ATP2C1: variants seen among roughly 807,000 people sequenced by gnomAD.
ATP2C1 encodes ATPase secretory pathway Ca2+ transporting 1.
In ATP2C1, 31 loss-of-function variants were observed where a neutral mutation model predicts 120.5. The ratio of observed to expected loss-of-function variants is 0.26; its 90% CI spans 0.19 to 0.35. The LOEUF is 0.35. ATP2C1 is among the 10% of genes least tolerant of loss of function. The pLI is 1.00. For missense variants in ATP2C1, 731 were observed against 1,107.5 expected (o/e 0.66, Z 4.83); for synonymous variants, 351 against 358.7 (o/e 0.98, Z 0.24).
In ATP2C1 at chr3:130,894,445, C is replaced by T. The variant is rs1405769693; in HGVS notation, c.-181+108C>T. On this transcript the variant is annotated intron_variant, in intron 1 of 27. Coordinates refer to ENST00000510168, the MANE Select transcript of ATP2C1 (RefSeq NM_001378687.1). The surrounding 1 kb of genome is among the most constrained non-coding windows in gnomAD (Gnocchi z 4.5). ...TGGGGGGGCATCTCTAGGGCGCCGCCCCGCTGGCGTGAGCTGGGGACGTTG... is the reference window on the plus strand; with the variant it reads ...TGGGGGGGCATCTCTAGGGCGCCGCTCCGCTGGCGTGAGCTGGGGACGTTG... 7.6e-7 allele frequency: 1 copy of T among 1,309,952 alleles called. No individual in the cohort carries two copies. The highest frequency in any genetic ancestry group is 3.4e-5 in the East Asian group (1 of 29,616). 81.1% of individuals were successfully genotyped at this position (1,309,952 alleles called of 1,614,324 possible).
intron 1 of ATP2C1, among the ~76,000 whole-genome samples, chr3:130,859,552 C>T (rs1207350590): frequency 6.6e-6 from 1 of 152,124 alleles, no homozygotes; most frequent in Non-Finnish European, 1.5e-5. Context: ...TTTTCTTCTT[C>T]TTCAATCAAG....
intron 8 of ATP2C1, among the ~76,000 whole-genome samples, chr3:130,953,070 C>G (rs1036742185): frequency 6.9e-6 from 1 of 144,882 alleles, no homozygotes; most frequent in Admixed American, 7.0e-5. Flanking sequence ...CTCTCCCTCA[C>G]TTGTTCGTAT....
At chr3:130,907,495 A>G (rs2058188869) in intron 2 of ATP2C1, among the ~76,000 whole-genome samples, 1 of 152,084 alleles carries the variant, frequency 6.6e-6, no homozygotes, top group Non-Finnish European at 1.5e-5. Flanking sequence ...TAGAATATCC[A>G]GTTATCCCAA....
chr3:130,959,250 A>G, intron 11 of ATP2C1, 25 bp from the exon 12 acceptor site: 3 of 1,572,368 alleles, frequency 1.9e-6, no homozygotes, highest in Non-Finnish European at 2.6e-6. Context: ...TAAAAGGGAA[A>G]AATAACTATT....
chr3:130,996,668 C>CT lies in ATP2C1; in HGVS notation c.2127-7dup, dbSNP rs771472426. On this transcript the variant is annotated splice_polypyrimidine_tract_variant and intron_variant, in intron 23 of 27. Transcript: ENST00000510168. ...TCTACTGATATTTTTAAATGACTCT[C>CT]TTTTTCAACAGGAGTATAGCAGCAT... 1.8e-4 allele frequency: 270 copies of CT among 1,522,108 alleles called. 5 individuals carry two copies. The South Asian group carries it at 2.9e-3, about 17-fold the overall frequency. The allele number at this position is 1,522,108 out of a possible 1,614,324, so 94.3% of individuals were successfully genotyped here. A position where few individuals can be genotyped will look rare whatever the true frequency, so the allele number is the denominator to read the frequency against.
chr3:130,893,178 C>G (rs544684762), upstream of ATP2C1, among the ~76,000 whole-genome samples: 3 of 152,234 alleles, frequency 2.0e-5, no homozygotes, highest in East Asian at 5.8e-4. Flanking sequence ...TATTAGGGGT[C>G]TGGGTAAGAT....
At chr3:130,852,149 T>C (rs2067694145) in intron 1 of ATP2C1, among the ~76,000 whole-genome samples, 1 of 152,192 alleles carries the variant, frequency 6.6e-6, no homozygotes, top group Non-Finnish European at 1.5e-5. Context: ...AAAGACCAAC[T>C]TTTGGTTTCC....
intron 2 of ATP2C1, chr3:130,918,364 A>G (rs2058781776): frequency 6.5e-7 from 1 of 1,537,086 alleles, no homozygotes; most frequent in Non-Finnish European, 9.0e-7. Context: ...CACTTTGCAC[A>G]TCGGAAATAG....
Position 130,939,097 on chromosome 3 carries a change from A to G in ATP2C1, c.361-1533A>G, listed in dbSNP as rs527708751. Among the ~76,000 whole-genome samples, 3 of 152,338 alleles carry G rather than the reference A, an allele frequency of 2.0e-5. No homozygotes were observed. The South Asian group carries it at 6.2e-4, about 32-fold the overall frequency. On this transcript the variant is annotated intron_variant, in intron 6 of 27. Coordinates refer to ENST00000510168, the MANE Select transcript of ATP2C1 (RefSeq NM_001378687.1). Reference sequence around the variant, plus strand: ...TCTGATTCTTACACACATGTGACCCATCACCAAATATGCCTGTGAAACCAA... The same window carrying G: ...TCTGATTCTTACACACATGTGACCCGTCACCAAATATGCCTGTGAAACCAA...
intron 1 of ATP2C1, among the ~76,000 whole-genome samples, chr3:130,885,909 A>G (rs1167173718): frequency 6.6e-6 from 1 of 152,330 alleles, no homozygotes; most frequent in African/African-American, 2.4e-5. Context: ...TTACATAGAT[A>G]AACACGTCAT....
intron 26 of ATP2C1, chr3:131,014,172 T>G: frequency 6.2e-7 from 1 of 1,614,058 alleles, no homozygotes; most frequent in Non-Finnish European, 8.5e-7. Flanking sequence ...CCCTCTGTTC[T>G]TAGAACAGCT....
chr3:130,972,105 A>G (rs2061342906), intron 17 of ATP2C1, among the ~76,000 whole-genome samples: 1 of 152,186 alleles, frequency 6.6e-6, no homozygotes, highest in Admixed American at 6.5e-5. Context: ...CTCAGGCATT[A>G]GATTCTCTTA....
At chr3:130,987,119 AAAAG>A (rs990730674) in intron 20 of ATP2C1, among the ~76,000 whole-genome samples, 14 of 151,828 alleles carry the variant, frequency 9.2e-5, no homozygotes, top group South Asian at 2.1e-4. Context: ...AAAAAAAAAA[AAAAG>A]AAAGAAAATC....
In ATP2C1 at chr3:130,967,245, A is replaced by C; in HGVS notation, c.1218+5A>C. On this transcript the variant is annotated splice_donor_5th_base_variant and intron_variant, in intron 15 of 27. Transcript: ENST00000510168. ...GCTGTTAGCAGAATTGTTGAGGTAAATATTTTTTTTTCCAAGATGGTGACT... is the reference window on the plus strand; with the variant it reads ...GCTGTTAGCAGAATTGTTGAGGTAACTATTTTTTTTTCCAAGATGGTGACT... The C allele has an allele frequency of 6.2e-7, 1 of 1,613,164 alleles. No homozygotes were observed. The highest frequency in any genetic ancestry group is 8.5e-7 in the Non-Finnish European group (1 of 1,179,266).
In ATP2C1 at chr3:130,965,053, A is replaced by G. The variant is rs773575303; in HGVS notation, c.1122+8A>G. ...GATGGTCTGCATGCTGAGGTACTCT[A>G]TAGGTTTTTAAAAACAAACAAAAAC... On this transcript the variant is annotated splice_region_variant and intron_variant, in intron 14 of 27. Transcript: ENST00000510168. The G allele has an allele frequency of 1.8e-5, 29 of 1,595,056 alleles. No individual in the cohort carries two copies. The East Asian group carries it at 2.7e-4, about 15-fold the overall frequency.
intron 1 of ATP2C1, among the ~76,000 whole-genome samples, chr3:130,856,424 G>T (rs947926995): frequency 2.6e-5 from 4 of 152,196 alleles, no homozygotes; most frequent in African/African-American, 9.7e-5. Flanking sequence ...GGTTGCTGAT[G>T]TAGGCTCTGA....
At chr3:131,003,189 A>G (rs141516276), downstream of ATP2C1, 430 of 973,768 alleles carry the variant, frequency 4.4e-4, 10 homozygotes, top group East Asian at 0.034. Flanking sequence ...AAAATTATCC[A>G]TATGGATGCT....
At position 130,894,916 on chromosome 3, in the gene ATP2C1, ACTTAG is replaced by A; in HGVS notation, c.6+142_6+146del. On this transcript the variant is annotated intron_variant, in intron 2 of 27. Coordinates refer to ENST00000510168, the MANE Select transcript of ATP2C1 (RefSeq NM_001378687.1). This position sits in a 1 kb window ranked among gnomAD's most constrained non-coding sequence, Gnocchi z 4.5. ...ATGTGAAGTGTCCAAGGATTTGCTTACTTAGGGTATCCAGCTTTTATTTTGGTAAC... is the reference window on the plus strand; with the variant it reads ...ATGTGAAGTGTCCAAGGATTTGCTTAGGTATCCAGCTTTTATTTTGGTAAC... The A allele has an allele frequency of 1.1e-6, 1 of 944,708 alleles. No individual in the cohort carries two copies. The highest frequency in any genetic ancestry group is 1.7e-6 in the Non-Finnish European group (1 of 577,808). 58.5% of individuals were successfully genotyped at this position (944,708 alleles called of 1,614,324 possible). A position where few individuals can be genotyped will look rare whatever the true frequency, so the allele number is the denominator to read the frequency against.
intron 18 of ATP2C1, among the ~76,000 whole-genome samples, chr3:130,975,855 C>T (rs889555671): frequency 2.0e-5 from 3 of 152,104 alleles, no homozygotes; most frequent in Admixed American, 6.6e-5. Context: ...GAGTCTGAAG[C>T]CTCTAATATA....
Sources: allele counts gnomAD v4.1 joint callset (sites outside exome capture counted in the v4.1 genomes callset), GRCh38; gene constraint gnomAD v4.1.1; non-coding constraint Gnocchi (gnomAD v3.1); transcripts MANE v1.5; gene names NCBI Gene and HGNC (gene_info 2026-07-23, HGNC 2026-07-21).